The following CTCFL variants were observed in gnomAD, a reference collection of about 807,000 sequenced individuals.
The protein encoded by CTCFL is transcriptional repressor CTCFL.
Under a neutral mutation model 67.4 loss-of-function variants are expected in CTCFL, and 36 were observed. The observed-to-expected ratio is 0.53, with a 90% CI of 0.41 to 0.71. The LOEUF (loss-of-function observed/expected upper bound fraction) is 0.71. Ranked by LOEUF, CTCFL falls within the 30% of genes least tolerant of loss-of-function variation. The pLI is 0.00. For synonymous variants in CTCFL, 324 were observed against 302.3 expected (o/e 1.07, Z -0.75); for missense variants, 786 against 835.2 (o/e 0.94, Z 0.73).
intron 9 of CTCFL, chr20:57,507,137 C>T (rs1188456129): frequency 1.3e-6 from 1 of 769,264 alleles, no homozygotes; most frequent in East Asian, 1.2e-4. Context: ...AAACTTCATT[C>T]CCCACTCGAG....
intron 6 of CTCFL, chr20:57,515,446 G>T (rs566719041): frequency 4.9e-6 from 2 of 409,204 alleles, no homozygotes; most frequent in East Asian, 5.6e-5. Flanking sequence ...TGCCTGGCCA[G>T]GAGTTGAGTT....
At chr20:57,514,801 T>A in intron 6 of CTCFL, 60 bp from the exon 7 acceptor site, 1 of 1,530,926 alleles carries the variant, frequency 6.5e-7, no homozygotes, top group Admixed American at 2.1e-5. Context: ...AAAGGCCACC[T>A]GTGCTGAAAG....
At position 57,518,909 on chromosome 20, in the gene CTCFL, T is replaced by A; in HGVS notation, c.926-18A>T. ...CCTGGTTCCTGTAAAATCACATAGT[T>A]CATACTTTCAAAACAAGACTTAACC... On this transcript the variant is annotated intron_variant, in intron 4 of 10. Coordinates refer to ENST00000243914, the MANE Select transcript of CTCFL (RefSeq NM_001386993.1). 6.3e-7 allele frequency: 1 copy of A among 1,596,804 alleles called. No individual in the cohort carries two copies.
chr20:57,499,289 A>G (rs1013518761), intron 10 of CTCFL, among the ~76,000 whole-genome samples: 1 of 152,196 alleles, frequency 6.6e-6, no homozygotes, highest in Non-Finnish European at 1.5e-5. Context: ...GCCAATCGAC[A>G]TATACTGAGT....
At position 57,512,741 on chromosome 20, in the gene CTCFL, G is replaced by A. The variant is rs767243354; in HGVS notation, c.1342C>T (p.Arg448Cys). ...GCAGCGCTGTAAGCATGCAAGTTGC[G>A]CATATGCACACCTAAAATGGTCACA... Reference protein sequence around the residue: ...ARKSDLRVHMRNLHAYSAAEL... With the variant: ...ARKSDLRVHMCNLHAYSAAEL... Residue 448 changes from arginine (R) to cysteine (C), a missense_variant, in exon 8 of 11, where the codon CGC becomes TGC. Physicochemically the swap from Arg to Cys is radical, Grantham distance 180. Around this residue, in one of 3 missense-constraint regions of CTCFL, gnomAD observed 254 missense variants for 333.9 expected, o/e 0.76. Coordinates refer to ENST00000243914, the MANE Select transcript of CTCFL (RefSeq NM_001386993.1). 19 of 1,614,078 alleles carry A rather than the reference G, an allele frequency of 1.2e-5. No individual in the cohort carries two copies. Among genetic ancestry groups the A allele is most frequent in the East Asian group, 2.2e-5 (1 of 44,890 alleles).
At position 57,503,460 on chromosome 20, in the gene CTCFL, A is replaced by G. The variant is rs1236390962; in HGVS notation, c.1816T>C (p.Trp606Arg). 6.2e-7 allele frequency: 1 copy of G among 1,614,152 alleles called. No homozygotes were observed. The highest frequency in any genetic ancestry group is 1.1e-5 in the South Asian group (1 of 91,090). The change falls in exon 10 of 11, where the codon TGG (tryptophan) becomes CGG (arginine). Residue 606 changes from tryptophan (W) to arginine (R), a missense_variant. Coordinates refer to ENST00000243914, the MANE Select transcript of CTCFL (RefSeq NM_001386993.1). ...CCGTCTCCGTTCGCGGCTTCCTTCCATCCCTTCGCAGCTTCCTTCTGACCC... is the reference window on the plus strand; with the variant it reads ...CCGTCTCCGTTCGCGGCTTCCTTCCGTCCCTTCGCAGCTTCCTTCTGACCC... ...TKGQKEAAKG[W>R]KEAANGDEAA...
intron 5 of CTCFL, among the ~76,000 whole-genome samples, chr20:57,517,042 C>T (rs547785574): frequency 2.6e-5 from 4 of 152,178 alleles, no homozygotes; most frequent in South Asian, 2.1e-4. Context: ...AAGGAACACT[C>T]GAGAACAAAA....
At chr20:57,522,462 T>C (rs932677032) in intron 3 of CTCFL, among the ~76,000 whole-genome samples, 2 of 152,218 alleles carry the variant, frequency 1.3e-5, no homozygotes, top group South Asian at 2.1e-4. Flanking sequence ...TTAATATGGC[T>C]TTAATATTGC....
At chr20:57,511,631 T>G (rs6025599) in intron 8 of CTCFL, among the ~76,000 whole-genome samples, 141,365 of 148,844 alleles carry the variant, frequency 0.95, 67,244 homozygotes, top group African/African-American at 0.99. Context: ...TTGCTCTGTT[T>G]CCCAGGCTGG....
At position 57,503,526 on chromosome 20, in the gene CTCFL, T is replaced by C. The variant is rs200555261; in HGVS notation, c.1750A>G (p.Thr584Ala). The C allele has an allele frequency of 2.0e-5, 32 of 1,614,206 alleles. No homozygotes were observed. The East Asian group carries it at 4.2e-4, about 21-fold the overall frequency. Residue 584 changes from threonine to alanine, a missense_variant, in exon 10 of 11, where the codon ACA (threonine) becomes GCA (alanine). Coordinates refer to ENST00000243914, the MANE Select transcript of CTCFL (RefSeq NM_001386993.1). The stretch of plus-strand genomic sequence containing the variant: ...AGGATGGTCTGCTTCCTCTTTCTTG[T>C]TCTTCTTCCCTTTCCTGAAGCAGCC... ...KSAASGKGRRTRKRKQTILKE... is the reference protein window; with the variant it reads ...KSAASGKGRRARKRKQTILKE...
At chr20:57,506,010 T>C (rs1259151795) in intron 9 of CTCFL, among the ~76,000 whole-genome samples, 1 of 152,112 alleles carries the variant, frequency 6.6e-6, no homozygotes, top group Non-Finnish European at 1.5e-5. Flanking sequence ...ATAATGGGGG[T>C]GATGGAACAG....
In CTCFL at chr20:57,523,887, C is replaced by A; in HGVS notation, c.319G>T (p.Gly107Trp). 6.2e-7 allele frequency: 1 copy of A among 1,613,218 alleles called. No homozygotes were observed. The highest frequency in any genetic ancestry group is 8.5e-7 in the Non-Finnish European group (1 of 1,180,048). ...MSLLSIQQQE[G>W]VQVVVQQPGP... ...GGCTGTTGCACCACCACCTGCACCC[C>A]TTCTTGCTGCTGTATGCTCAGCAAG... Residue 107 changes from glycine to tryptophan, a missense_variant, in exon 2 of 11, where the codon GGG (glycine) becomes TGG (tryptophan). Around this residue, in one of 3 missense-constraint regions of CTCFL, gnomAD observed 333 missense variants for 304.6 expected, o/e 1.09. Coordinates refer to ENST00000243914, the MANE Select transcript of CTCFL (RefSeq NM_001386993.1).
At position 57,503,651 on chromosome 20, in the gene CTCFL, G is replaced by A. The variant is rs1246817208; in HGVS notation, c.1675-50C>T. On this transcript the variant is annotated intron_variant, in intron 9 of 10. Transcript: ENST00000243914. ...CACAAGGCGAGTGAGATGGGGCAGG[G>A]ACCCCTCTCAGGGGCCTGTGGGGAC... 7 of 1,585,044 alleles carry A rather than the reference G, an allele frequency of 4.4e-6. No individual in the cohort carries two copies. In the Admixed American group the frequency reaches 1.2e-4, roughly 27 times the overall value.
chr20:57,506,777 G>A, intron 9 of CTCFL: 2 of 983,948 alleles, frequency 2.0e-6, no homozygotes, highest in Non-Finnish European at 2.4e-6. Flanking sequence ...TTTATTTCTT[G>A]CACCAAAGAG....
In CTCFL at chr20:57,518,934, C is replaced by T. The variant is rs751048718; in HGVS notation, c.926-43G>A. 5.8e-6 allele frequency: 9 copies of T among 1,563,318 alleles called. No individual in the cohort carries two copies. In the East Asian group the frequency reaches 2.0e-4, roughly 35 times the overall value. On this transcript the variant is annotated intron_variant, in intron 4 of 10. Coordinates refer to ENST00000243914, the MANE Select transcript of CTCFL (RefSeq NM_001386993.1). ...TCATACTTTCAAAACAAGACTTAAC[C>T]AGAAACATTCCAAGGAATTCATAGC...
intron 3 of CTCFL, among the ~76,000 whole-genome samples, chr20:57,520,252 G>A (rs1220904527): frequency 6.6e-6 from 1 of 152,158 alleles, no homozygotes; most frequent in Non-Finnish European, 1.5e-5. Flanking sequence ...TTCACCCCAG[G>A]CTTCAAGGGA....
rs755172498 is a variant in CTCFL at position 57,514,585 on chromosome 20, C to G, written c.1330+7G>C. ...TGTAGTAAAAGAAAGATCGCTAAAC[C>G]ACTCACGTAGGTCGCTTTTCCGTGC... On this transcript the variant is annotated splice_region_variant and intron_variant, in intron 7 of 10. Transcript: ENST00000243914. 1.5e-5 allele frequency: 25 copies of G among 1,613,896 alleles called. 2 individuals are homozygous for G. In the South Asian group the frequency reaches 2.6e-4, roughly 17 times the overall value.
At position 57,514,754 on chromosome 20, in the gene CTCFL, C is replaced by A; in HGVS notation, c.1181-13G>T. On this transcript the variant is annotated splice_polypyrimidine_tract_variant and intron_variant, in intron 6 of 10. Transcript: ENST00000243914. ...TAAGGCTTCTCACCTGAGATGCAGA[C>A]AACAAAGTGATTCCCCCTCCAGGCC... 1 of 1,612,522 alleles carries A rather than the reference C, an allele frequency of 6.2e-7. No individual in the cohort carries two copies. Among genetic ancestry groups the A allele is most frequent in the South Asian group, 1.1e-5 (1 of 90,960 alleles).
In CTCFL at chr20:57,498,517, T is replaced by A; in HGVS notation, c.*33A>T. The A allele has an allele frequency of 6.3e-7, 1 of 1,598,970 alleles. No homozygotes were observed. The highest frequency in any genetic ancestry group is 1.1e-5 in the South Asian group (1 of 89,316). On this transcript the variant is annotated 3_prime_UTR_variant, in exon 11 of 11. Transcript: ENST00000243914. ...AAAAACTTCTAACTTGCTTTAGGAA[T>A]TGGGGGCAGTGAACACGCAACCCGA...
Sources: gnomAD v4.1 joint callset for allele counts (sites outside exome capture counted in the v4.1 genomes callset) on GRCh38, gnomAD v4.1.1 for gene constraint, gnomAD v4.1.1 regional missense constraint, MANE v1.5 for transcripts, NCBI Gene and HGNC (gene_info 2026-07-23, HGNC 2026-07-21) for gene names.